INPP1: variants seen among roughly 807,000 people sequenced by gnomAD.
INPP1 encodes inositol polyphosphate-1-phosphatase.
INPP1 carries 18 observed loss-of-function variants against 23.0 expected under a neutral mutation model. That is an observed-to-expected ratio of 0.78 (90% CI 0.54 to 1.16). The LOEUF (loss-of-function observed/expected upper bound fraction) is 1.16. INPP1 is among the 50% of genes most tolerant of loss of function. The pLI is 0.00. For synonymous variants in INPP1, 164 were observed against 176.3 expected, an observed-to-expected ratio of 0.93 and a Z score of 0.55; for missense variants, 448 against 482.1, an observed-to-expected ratio of 0.93 and a Z score of 0.66.
Position 190,366,687 on chromosome 2 carries a change from T to C in INPP1, c.266-8T>C. 1.2e-6 allele frequency: 2 copies of C among 1,603,132 alleles called. No individual in the cohort carries two copies. The highest frequency in any genetic ancestry group is 1.7e-6 in the Non-Finnish European group (2 of 1,170,114). ...AATGTAATGGCTTATCGTGTGGCTTTACCCTAGGGGAAAAGATTACCTTGA... is the reference window on the plus strand; with the variant it reads ...AATGTAATGGCTTATCGTGTGGCTTCACCCTAGGGGAAAAGATTACCTTGA... On this transcript the variant is annotated splice_polypyrimidine_tract_variant and splice_region_variant and intron_variant, in intron 4 of 6. Transcript: ENST00000392329.
chr2:190,371,185 G>T lies in INPP1; in HGVS notation c.983G>T (p.Gly328Val), dbSNP rs1385704515. 1 of 1,613,990 alleles carries T rather than the reference G, an allele frequency of 6.2e-7. No homozygotes were observed. The highest frequency in any genetic ancestry group is 8.5e-7 in the Non-Finnish European group (1 of 1,179,986). ...GCTCATGCCATACTGAGGGCCATGGGTGGGGGAATAGTAGACTTGAAAGAA... is the reference window on the plus strand; with the variant it reads ...GCTCATGCCATACTGAGGGCCATGGTTGGGGGAATAGTAGACTTGAAAGAA... ...CAAHAILRAM[G>V]GGIVDLKECL... Residue 328 changes from glycine to valine, a missense_variant, in exon 7 of 7, where the codon GGT (glycine) becomes GTT (valine). Coordinates refer to ENST00000392329, the MANE Select transcript of INPP1 (RefSeq NM_001128928.2). The surrounding 1 kb of genome is among the most constrained non-coding windows in gnomAD (Gnocchi z 5.3).
At position 190,354,938 on chromosome 2, in the gene INPP1, G is replaced by GTGTGTGTGTGTGTGTGTGTGTGTGTGTT. The variant is rs1689393413; in HGVS notation, c.-64-5093_-64-5092insTGTGTGTGTGTGTGTGTGTTTGTGTGTG. On this transcript the variant is annotated intron_variant, in intron 2 of 6. Transcript: ENST00000392329. The surrounding 1 kb of genome is among the most constrained non-coding windows in gnomAD (Gnocchi z 4.8). ...ATATCAACTAGGGGTGTGTGTGTGT[G>GTGTGTGTGTGTGTGTGTGTGTGTGTGTT]TGTGTGTGCATTTTTTTTTTTTTTG... 7.9e-6 allele frequency among the ~76,000 whole-genome samples: 1 copy of GTGTGTGTGTGTGTGTGTGTGTGTGTGTT among 126,964 alleles called. No homozygotes were observed. Among genetic ancestry groups the GTGTGTGTGTGTGTGTGTGTGTGTGTGTT allele is most frequent in the African/African-American group, 4.1e-5 (1 of 24,482 alleles). 83.3% of individuals were successfully genotyped at this position (126,964 alleles called of 152,430 possible).
chr2:190,369,303 T>C (rs1441628548), intron 6 of INPP1, 26 bp downstream of exon 6: 4 of 1,433,272 alleles, frequency 2.8e-6, no homozygotes, highest in African/African-American at 2.8e-5. Flanking sequence ...TTTTGGTATA[T>C]TATGGTTGTT....
At chr2:190,344,945 T>C (rs1401511882) in intron 1 of INPP1, among the ~76,000 whole-genome samples, 6 of 152,238 alleles carry the variant, frequency 3.9e-5, no homozygotes, top group Admixed American at 3.3e-4. Context: ...GGATCAGCCC[T>C]GCTCAACTTG....
chr2:190,371,213 C>G lies in INPP1; in HGVS notation c.1011C>G (p.Cys337Trp), dbSNP rs140741805. The G allele has an allele frequency of 3.3e-4, 532 of 1,613,252 alleles. No homozygotes were observed. Among genetic ancestry groups the G allele is most frequent in the Non-Finnish European group, 4.3e-4 (508 of 1,179,442 alleles). Residue 337 changes from cysteine (C) to tryptophan (W), a missense_variant, in exon 7 of 7, where the codon TGC (cysteine) becomes TGG (tryptophan). Physicochemically the swap from Cys to Trp is radical, Grantham distance 215. Transcript: ENST00000392329. The surrounding 1 kb of genome is among the most constrained non-coding windows in gnomAD (Gnocchi z 5.3). ...MGGGIVDLKE[C>W]LERNPETGLD... ...GGGGAATAGTAGACTTGAAAGAATG[C>G]TTAGAAAGAAATCCAGAAACAGGGC...
At chr2:190,351,802 G>A (rs1689328837) in intron 2 of INPP1, among the ~76,000 whole-genome samples, 1 of 152,128 alleles carries the variant, frequency 6.6e-6, no homozygotes, top group Non-Finnish European at 1.5e-5. Context: ...ACCTGCATGA[G>A]TTTTGTTGGG....
At chr2:190,366,222 T>G (rs974455412) in intron 4 of INPP1, among the ~76,000 whole-genome samples, 29 of 150,920 alleles carry the variant, frequency 1.9e-4, no homozygotes, top group African/African-American at 7.1e-4. Context: ...GCTCTGTCTC[T>G]CTCTTGCTTG....
At chr2:190,369,516 T>C (rs1689758017) in intron 6 of INPP1, among the ~76,000 whole-genome samples, 1 of 152,246 alleles carries the variant, frequency 6.6e-6, no homozygotes. Flanking sequence ...GTAGAAATCA[T>C]AGTTTTACAT....
chr2:190,349,204 G>A (rs1689280508), intron 2 of INPP1, among the ~76,000 whole-genome samples, 173 bp downstream of exon 2: 3 of 152,184 alleles, frequency 2.0e-5, no homozygotes, highest in Non-Finnish European at 2.9e-5. Flanking sequence ...TTGGGAGGCC[G>A]AGGTGGGCAG....
At chr2:190,351,931 G>T (rs143922047) in intron 2 of INPP1, among the ~76,000 whole-genome samples, 16 of 152,302 alleles carry the variant, frequency 1.1e-4, no homozygotes, top group African/African-American at 3.6e-4. Flanking sequence ...GTTCATAAGA[G>T]TTTCTGTTGC....
chr2:190,359,209 A>G (rs967024023), intron 2 of INPP1, among the ~76,000 whole-genome samples: 3 of 152,180 alleles, frequency 2.0e-5, no homozygotes, highest in Non-Finnish European at 2.9e-5. Flanking sequence ...CTGAGGTGGG[A>G]AAATGACTTG....
At chr2:190,359,413 CA>C (rs1689487902) in intron 2 of INPP1, among the ~76,000 whole-genome samples, 2 of 151,776 alleles carry the variant, frequency 1.3e-5, no homozygotes, top group Non-Finnish European at 2.9e-5. Context: ...AAAAATTAGC[CA>C]GGCATGGTGG....
chr2:190,371,004 GA>G lies in INPP1; in HGVS notation c.806del (p.Lys269ArgfsTer56), dbSNP rs1384242916. 2 of 1,614,178 alleles carry G rather than the reference GA, an allele frequency of 1.2e-6. No individual in the cohort carries two copies. The highest frequency in any genetic ancestry group is 2.7e-5 in the African/African-American group (2 of 75,034). The part of the protein sequence containing the change: ...PSFSAVISTS[E>X]KETIKAALSR... ...TTTTTCAGCCGTAATTAGTACAAGT[GA>G]AAAGGAGACTATCAAAGCTGCATTG... On this transcript the variant is annotated frameshift_variant, in exon 7 of 7. Coordinates refer to ENST00000392329, the MANE Select transcript of INPP1 (RefSeq NM_001128928.2). LOFTEE classifies it low-confidence loss of function (END_TRUNC). The surrounding 1 kb of genome is among the most constrained non-coding windows in gnomAD (Gnocchi z 5.3).
rs1038906821 is a variant in INPP1, at chr2:190,363,554, A to G, written c.265+867A>G. ...AGAAGAATAAAATAGTGAACATTAAATACTGATCATGTGACAAATACTTAT... is the reference window on the plus strand; with the variant it reads ...AGAAGAATAAAATAGTGAACATTAAGTACTGATCATGTGACAAATACTTAT... On this transcript the variant is annotated intron_variant, in intron 4 of 6. Transcript: ENST00000392329. The surrounding 1 kb of genome is among the most constrained non-coding windows in gnomAD (Gnocchi z 4.4). 6.6e-6 allele frequency among the ~76,000 whole-genome samples: 1 copy of G among 152,168 alleles called. No individual in the cohort carries two copies. Among genetic ancestry groups the G allele is most frequent in the Non-Finnish European group, 1.5e-5 (1 of 68,018 alleles).
chr2:190,351,599 C>A (rs1314016184), intron 2 of INPP1, among the ~76,000 whole-genome samples: 1 of 152,198 alleles, frequency 6.6e-6, no homozygotes, highest in African/African-American at 2.4e-5. Context: ...TTTCACTTGA[C>A]AGCATGTTTT....
chr2:190,357,031 G>A (rs1355502086), intron 2 of INPP1, among the ~76,000 whole-genome samples: 3 of 152,132 alleles, frequency 2.0e-5, no homozygotes, highest in African/African-American at 7.2e-5. Context: ...GCAACGTGCC[G>A]CAGCTTTATT....
chr2:190,364,435 A>G (rs1017887478), intron 4 of INPP1, among the ~76,000 whole-genome samples: 5 of 151,716 alleles, frequency 3.3e-5, no homozygotes, highest in African/African-American at 4.8e-5. Flanking sequence ...CCAGATACTC[A>G]GGAGGCTGAG....
chr2:190,363,878 A>G lies in INPP1; in HGVS notation c.265+1191A>G, dbSNP rs1689583753. 6.6e-6 allele frequency among the ~76,000 whole-genome samples: 1 copy of G among 152,250 alleles called. No homozygotes were observed. The highest frequency in any genetic ancestry group is 6.5e-5 in the Admixed American group (1 of 15,292). On this transcript the variant is annotated intron_variant, in intron 4 of 6. Transcript: ENST00000392329. The surrounding 1 kb of genome is among the most constrained non-coding windows in gnomAD (Gnocchi z 4.4). ...CCATTTTCCTGTTTGTTAAAAGGGC[A>G]GAGAAATGTGGAGAGAGGAAGAGGA...
Position 190,355,586 on chromosome 2 carries a change from A to G in INPP1, c.-64-4453A>G, listed in dbSNP as rs918890535. ...CAGCAATCTGTTTTTTTAGAAGGCC[A>G]TCTTGGGTAATTCTGATACAGGTAA... On this transcript the variant is annotated intron_variant, in intron 2 of 6. Transcript: ENST00000392329. The surrounding 1 kb of genome is among the most constrained non-coding windows in gnomAD (Gnocchi z 5.1). Among the ~76,000 whole-genome samples, 4 of 152,174 alleles carry G rather than the reference A, an allele frequency of 2.6e-5. No homozygotes were observed. Among genetic ancestry groups the G allele is most frequent in the Admixed American group, 1.3e-4 (2 of 15,264 alleles).
Sources: allele counts gnomAD v4.1 joint callset (sites outside exome capture counted in the v4.1 genomes callset), GRCh38; gene constraint gnomAD v4.1.1; non-coding constraint Gnocchi (gnomAD v3.1); transcripts MANE v1.5; gene names NCBI Gene and HGNC (gene_info 2026-07-23, HGNC 2026-07-21).